The following TRAPPC4 variants were observed in gnomAD, a reference collection of about 807,000 sequenced individuals.
TRAPPC4 encodes TRS23 homolog.
Under a neutral mutation model 23.5 loss-of-function variants are expected in TRAPPC4, and 30 were observed. The observed-to-expected ratio is 1.28, with a 90% CI of 0.96 to 1.73. The LOEUF (loss-of-function observed/expected upper bound fraction) is 1.73. Among genes scored for constraint, TRAPPC4 ranks in the 40% most tolerant of loss-of-function variants. The pLI is 0.00. For synonymous variants in TRAPPC4, 129 were observed against 105.3 expected, an observed-to-expected ratio of 1.23 and a Z score of -1.38; for missense variants, 252 against 268.9, an observed-to-expected ratio of 0.94 and a Z score of 0.44.
At chr11:119,019,106 G>A (rs1160341302) in intron 1 of TRAPPC4, 37 bp from the exon 2 acceptor site, 1 of 1,604,846 alleles carries the variant, frequency 6.2e-7, no homozygotes, top group Non-Finnish European at 8.5e-7. Context: ...GAATCCCCGG[G>A]CTGCACCTTC....
At chr11:119,019,065 G>A (rs1943254577) in intron 1 of TRAPPC4, 78 bp from the exon 2 acceptor site, 2 of 1,589,540 alleles carry the variant, frequency 1.3e-6, no homozygotes, top group East Asian at 2.2e-5. Context: ...GGGGGAAAAG[G>A]GGTTGTGTCG....
chr11:119,019,375 C>T lies in TRAPPC4; in HGVS notation c.350+58C>T, dbSNP rs4938619. The T allele has an allele frequency of 0.12, 193,599 of 1,553,262 alleles. 12,767 individuals carry two copies. The highest frequency in any genetic ancestry group is 0.16 in the Middle Eastern group (848 of 5,248). On this transcript the variant is annotated intron_variant, in intron 2 of 4. Coordinates refer to ENST00000533632, the MANE Select transcript of TRAPPC4 (RefSeq NM_016146.6). ...GTAATTTGTCTACCTTTTCTTAAAT[C>T]GTCGTTCTGGTGTTATGAAAAACGC...
chr11:119,021,661 T>A (rs1477093404), intron 3 of TRAPPC4, 99 bp from the exon 4 acceptor site: 2 of 1,317,618 alleles, frequency 1.5e-6, no homozygotes, highest in Non-Finnish European at 2.1e-6. Flanking sequence ...AATAGGCTTA[T>A]GAAAGTGTTT....
At chr11:119,022,952 TTGA>T (rs1270212160) in intron 4 of TRAPPC4, 15,096 of 99,444 alleles carry the variant, frequency 0.15, 929 homozygotes, top group Middle Eastern at 0.27. Flanking sequence ...GTTTTTTTTG[TTGA>T]TGTTTTTTTT....
chr11:119,020,980 C>T (rs996778694), intron 3 of TRAPPC4: 1 of 152,388 alleles, frequency 6.6e-6, no homozygotes, highest in East Asian at 1.9e-4. Flanking sequence ...CCACCACTAC[C>T]CGGGTTCAAG....
intron 3 of TRAPPC4, chr11:119,021,319 C>T (rs1231095085): frequency 6.4e-6 from 1 of 156,126 alleles, no homozygotes; most frequent in Non-Finnish European, 1.4e-5. Context: ...TCAGATAAAA[C>T]TCACCTTAAT....
In TRAPPC4 at chr11:119,023,642, T is replaced by A; in HGVS notation, c.*243T>A. 2.8e-6 allele frequency: 1 copy of A among 363,058 alleles called. No homozygotes were observed. Among genetic ancestry groups the A allele is most frequent in the Non-Finnish European group, 5.0e-6 (1 of 198,964 alleles). The allele number at this position is 363,058 out of a possible 1,614,324, so 22.5% of individuals were successfully genotyped here. A position where few individuals can be genotyped will look rare whatever the true frequency, so the allele number is the denominator to read the frequency against. On this transcript the variant is annotated 3_prime_UTR_variant, in exon 5 of 5. Coordinates refer to ENST00000533632, the MANE Select transcript of TRAPPC4 (RefSeq NM_016146.6). ...GGAGGAGCTAGGTCCATAAATGTTG[T>A]AATAAATATTCCTTTGATCTTGGTG...
rs782360416 is a variant in TRAPPC4, at chr11:119,018,837, C to T, written c.42C>T (p.Gly14=). 5 of 1,614,218 alleles carry T rather than the reference C, an allele frequency of 3.1e-6. No homozygotes were observed. Among genetic ancestry groups the T allele is most frequent in the South Asian group, 1.1e-5 (1 of 91,080 alleles). The change falls in exon 1 of 5, where the codon GGC becomes GGT. Residue 14 remains glycine (G), a synonymous_variant. Coordinates refer to ENST00000533632, the MANE Select transcript of TRAPPC4 (RefSeq NM_016146.6). ...FSVYVVNKAG[G]LIYQLDSYAP... is the part of the protein sequence containing the mutation. ...TGTATGTGGTGAACAAAGCTGGCGG[C>T]TTGATTTACCAGTTGGACAGCTACG...
rs782254698 is a variant in TRAPPC4 at position 119,023,748 on chromosome 11, T to C, written c.*349T>C. On this transcript the variant is annotated 3_prime_UTR_variant, in exon 5 of 5. Coordinates refer to ENST00000533632, the MANE Select transcript of TRAPPC4 (RefSeq NM_016146.6). ...AAATGGTTAGGGAATTCTGGGAAGA[T>C]GATTATGTGCTAGTAAAAAACATAA... 3 of 178,996 alleles carry C rather than the reference T, an allele frequency of 1.7e-5. No homozygotes were observed. The highest frequency in any genetic ancestry group is 3.5e-5 in the Non-Finnish European group (3 of 84,894). The allele number at this position is 178,996 out of a possible 1,614,324, so 11.1% of individuals were successfully genotyped here.
intron 4 of TRAPPC4, chr11:119,023,110 ACCTGCC>A: frequency 4.8e-6 from 2 of 420,766 alleles, no homozygotes; most frequent in South Asian, 5.8e-5. Flanking sequence ...GATTACAGGC[ACCTGCC>A]ACCATGCCTG....
At chr11:119,022,602 A>G (rs553150951) in intron 4 of TRAPPC4, among the ~76,000 whole-genome samples, 2 of 151,604 alleles carry the variant, frequency 1.3e-5, no homozygotes, top group East Asian at 3.9e-4. Context: ...TAAATAAGAC[A>G]ACAGTAGCTG....
At chr11:119,019,089 C>G in intron 1 of TRAPPC4, 54 bp from the exon 2 acceptor site, 2 of 1,598,616 alleles carry the variant, frequency 1.3e-6, no homozygotes, top group Admixed American at 1.7e-5. Flanking sequence ...CCCTTGTCCC[C>G]TCGGCGGAAT....
At chr11:119,019,763 C>T (rs1281705015) in intron 2 of TRAPPC4, 2 of 196,062 alleles carry the variant, frequency 1.0e-5, no homozygotes, top group Non-Finnish European at 2.1e-5. Flanking sequence ...TACTTAAAGT[C>T]AACTTCTCTT....
rs782661498 is a variant in TRAPPC4 at position 119,023,427 on chromosome 11, C to T, written c.*28C>T. The T allele has an allele frequency of 6.2e-7, 1 of 1,604,654 alleles. No individual in the cohort carries two copies. The highest frequency in any genetic ancestry group is 1.3e-5 in the African/African-American group (1 of 74,828). On this transcript the variant is annotated 3_prime_UTR_variant, in exon 5 of 5. Transcript: ENST00000533632. The stretch of plus-strand genomic sequence containing the variant: ...TGAACCTGTTATGGACCCCCAAATT[C>T]TGAGAGTTCCTGCAACAAGAATACT...
intron 3 of TRAPPC4, 187 bp downstream of exon 3, chr11:119,020,440 TG>T (rs1403625743): frequency 7.6e-6 from 4 of 527,414 alleles, no homozygotes; most frequent in East Asian, 3.2e-5. Flanking sequence ...TTTTTTTTTT[TG>T]AAATGTTTCA....
chr11:119,019,138 T>A lies in TRAPPC4; in HGVS notation c.176-5T>A, dbSNP rs1565679071. 6.2e-7 allele frequency: 1 copy of A among 1,613,614 alleles called. No individual in the cohort carries two copies. Among genetic ancestry groups the A allele is most frequent in the Non-Finnish European group, 8.5e-7 (1 of 1,179,648 alleles). ...CTTCGCTGACCGTTAGCTTCACCTCTGCAGTGGGTCATGCAGTGCTGGCCA... is the reference window on the plus strand; with the variant it reads ...CTTCGCTGACCGTTAGCTTCACCTCAGCAGTGGGTCATGCAGTGCTGGCCA... On this transcript the variant is annotated splice_region_variant and splice_polypyrimidine_tract_variant and intron_variant, in intron 1 of 4. Coordinates refer to ENST00000533632, the MANE Select transcript of TRAPPC4 (RefSeq NM_016146.6).
Position 119,022,619 on chromosome 11 carries a change from G to C in TRAPPC4, c.582-702G>C, listed in dbSNP as rs1179894907. ...AATAAGACAACAGTAGCTGGGTGCA[G>C]TGGCTCACGCCTGTAATCCCAGCAC... is the stretch of plus-strand genomic sequence containing the variant. On this transcript the variant is annotated intron_variant, in intron 4 of 4. Transcript: ENST00000533632. 5.9e-5 allele frequency among the ~76,000 whole-genome samples: 9 copies of C among 152,012 alleles called. No homozygotes were observed. The East Asian group carries it at 1.7e-3, about 29-fold the overall frequency.
chr11:119,023,287 C>T lies in TRAPPC4; in HGVS notation c.582-34C>T, dbSNP rs185699828. ...TAAGTGGGGAGAAAGCCTCAGGCCT[C>T]ACACTTTTTTTCCTCACCCTGGGCC... On this transcript the variant is annotated intron_variant, in intron 4 of 4. Coordinates refer to ENST00000533632, the MANE Select transcript of TRAPPC4 (RefSeq NM_016146.6). 22 of 1,610,618 alleles carry T rather than the reference C, an allele frequency of 1.4e-5. No individual in the cohort carries two copies. The East Asian group carries it at 4.5e-4, about 33-fold the overall frequency.
At chr11:119,023,229 T>G in intron 4 of TRAPPC4, 92 bp from the exon 5 acceptor site, 4 of 1,208,252 alleles carry the variant, frequency 3.3e-6, no homozygotes, top group Non-Finnish European at 4.9e-6. Flanking sequence ...CCTTCCATGA[T>G]ATATGTTGTT....
Sources: gnomAD v4.1 joint callset for allele counts (sites outside exome capture counted in the v4.1 genomes callset) on GRCh38, gnomAD v4.1.1 for gene constraint, MANE v1.5 for transcripts, NCBI Gene and HGNC (gene_info 2026-07-23, HGNC 2026-07-21) for gene names.